Variants in PTK2B observed in about 807,000 individuals in gnomAD.
The protein encoded by PTK2B is protein-tyrosine kinase 2-beta.
In PTK2B, 71 loss-of-function variants were observed where a neutral mutation model predicts 142.9. The ratio of observed to expected loss-of-function variants is 0.50; its 90% CI spans 0.41 to 0.61. The LOEUF (loss-of-function observed/expected upper bound fraction) is 0.61. Ranked by LOEUF, PTK2B falls within the 20% of genes least tolerant of loss-of-function variation. The probability of loss-of-function intolerance (pLI) is 0.00; values close to 1 mark genes in which losing one functional copy is unlikely to be tolerated. For missense variants in PTK2B, 1,105 were observed against 1,320.4 expected (o/e 0.84, Z 2.53); for synonymous variants, 519 against 503.4 (o/e 1.03, Z -0.42).
intron 28 of PTK2B, among the ~76,000 whole-genome samples, 172 bp downstream of exon 28, chr8:27,453,332 A>C (rs1811939622): frequency 6.6e-6 from 1 of 152,212 alleles, no homozygotes; most frequent in African/African-American, 2.4e-5. Flanking sequence ...GCCTAAGGCC[A>C]CACAGCTAAT....
At chr8:27,365,025 G>C (rs1374821251) in intron 1 of PTK2B, among the ~76,000 whole-genome samples, 1 of 152,104 alleles carries the variant, frequency 6.6e-6, no homozygotes, top group Non-Finnish European at 1.5e-5. Context: ...CTGCAGTTTT[G>C]CTCATATACA....
intron 21 of PTK2B, 143 bp downstream of exon 21, chr8:27,440,584 G>A: frequency 1.0e-6 from 1 of 975,904 alleles, no homozygotes; most frequent in Non-Finnish European, 1.5e-6. Context: ...CAGGTTCACT[G>A]TCAGATATGA....
chr8:27,341,257 A>G (rs1804380956), intron 1 of PTK2B, among the ~76,000 whole-genome samples: 1 of 152,178 alleles, frequency 6.6e-6, no homozygotes, highest in Admixed American at 6.5e-5. Flanking sequence ...GCATTGCTAA[A>G]TGGGATGAAG....
chr8:27,426,462 T>C (rs1407189755), intron 5 of PTK2B, among the ~76,000 whole-genome samples: 1 of 152,206 alleles, frequency 6.6e-6, no homozygotes, highest in East Asian at 1.9e-4. Context: ...TGGGTGCCCC[T>C]GGAGAGCAGC....
At chr8:27,450,285 G>A (rs555606311) in intron 24 of PTK2B, among the ~76,000 whole-genome samples, 1 of 152,288 alleles carries the variant, frequency 6.6e-6, no homozygotes, top group Admixed American at 6.5e-5. Context: ...CTTAGGTGGA[G>A]ATAGCATCAG....
intron 1 of PTK2B, among the ~76,000 whole-genome samples, chr8:27,364,152 G>A (rs1805881936): frequency 1.3e-5 from 2 of 152,352 alleles, no homozygotes; most frequent in Admixed American, 1.3e-4. Context: ...TGCATGACTA[G>A]CAAGGGATAG....
chr8:27,437,862 G>A lies in PTK2B; in HGVS notation c.1625G>A (p.Ser542Asn), dbSNP rs2132170936. 1 of 1,612,176 alleles carries A rather than the reference G, an allele frequency of 6.2e-7. No individual in the cohort carries two copies. The highest frequency in any genetic ancestry group is 2.2e-5 in the East Asian group (1 of 44,854). Residue 542 changes from serine (S) to asparagine (N), a missense_variant, in exon 18 of 31, where the codon AGC becomes AAC. Coordinates refer to ENST00000346049, the MANE Select transcript of PTK2B (RefSeq NM_173176.3). Reference sequence around the variant, plus strand: ...TGCAAAGCCATGGCCTACCTGGAGAGCATCAACTGCGTGCACAGGTAGGGG... The same window carrying A: ...TGCAAAGCCATGGCCTACCTGGAGAACATCAACTGCGTGCACAGGTAGGGG... ...QICKAMAYLE[S>N]INCVHRDIAV...
intron 2 of PTK2B, among the ~76,000 whole-genome samples, chr8:27,415,186 G>T (rs898733858): frequency 1.3e-5 from 2 of 151,914 alleles, no homozygotes; most frequent in Admixed American, 6.5e-5. Flanking sequence ...CTATTATTTT[G>T]TCCATATTCT....
chr8:27,419,403 G>T (rs1563269656), intron 2 of PTK2B, among the ~76,000 whole-genome samples: 2 of 152,308 alleles, frequency 1.3e-5, no homozygotes, highest in East Asian at 3.9e-4. Flanking sequence ...TCCGTGGGTT[G>T]TGGGACATAT....
chr8:27,334,785 C>A (rs1483856562), intron 1 of PTK2B, among the ~76,000 whole-genome samples: 1 of 152,152 alleles, frequency 6.6e-6, no homozygotes, highest in East Asian at 1.9e-4. Flanking sequence ...AGAATAGGGG[C>A]CACATCCCGA....
intron 1 of PTK2B, among the ~76,000 whole-genome samples, chr8:27,378,711 G>A (rs13265921): frequency 0.025 from 3,740 of 151,762 alleles, 88 homozygotes; most frequent in Non-Finnish European, 0.033. Context: ...GGTTCCTTCT[G>A]GGGCTCCTGA....
At chr8:27,426,644 C>A (rs1000775798) in intron 5 of PTK2B, among the ~76,000 whole-genome samples, 14 of 152,218 alleles carry the variant, frequency 9.2e-5, no homozygotes, top group Admixed American at 3.9e-4. Context: ...GATTGTGGCA[C>A]ATCTGAGTGA....
chr8:27,450,520 G>T (rs1298986645), intron 24 of PTK2B, among the ~76,000 whole-genome samples: 1 of 152,254 alleles, frequency 6.6e-6, no homozygotes, highest in Admixed American at 6.5e-5. Flanking sequence ...ACGTTGAGCA[G>T]TGGGTTCTTG....
chr8:27,429,375 G>A (rs1282869720), intron 5 of PTK2B, among the ~76,000 whole-genome samples: 1 of 152,250 alleles, frequency 6.6e-6, no homozygotes, highest in Non-Finnish European at 1.5e-5. Context: ...AAGATCAGGA[G>A]TAGGATAATG....
chr8:27,419,134 C>T (rs374889552), intron 2 of PTK2B, among the ~76,000 whole-genome samples: 1 of 152,196 alleles, frequency 6.6e-6, no homozygotes, highest in Non-Finnish European at 1.5e-5. Flanking sequence ...ATCTCTGGCT[C>T]TAGGCCAGGA....
chr8:27,378,601 CTGTGTGTGTGTGTGTG>C (rs58485965), intron 1 of PTK2B, among the ~76,000 whole-genome samples: 29,429 of 148,100 alleles, frequency 0.2, 3,108 homozygotes, highest in Middle Eastern at 0.29. Context: ...TACAGCTTAT[CTGTGTGTGTGTGTGTG>C]TGTGTGTGTG....
In PTK2B at chr8:27,430,344, C is replaced by T. The variant is rs1290198219; in HGVS notation, c.615-20C>T. 15 of 1,613,996 alleles carry T rather than the reference C, an allele frequency of 9.3e-6. No individual in the cohort carries two copies. Among genetic ancestry groups the T allele is most frequent in the Non-Finnish European group, 1.3e-5 (15 of 1,180,032 alleles). ...GGGGTGAGGGGGAGTCACATGCTGC[C>T]TTTTTCTTCCTTCTTGCAGAAAGGA... On this transcript the variant is annotated intron_variant, in intron 6 of 30. Transcript: ENST00000346049.
chr8:27,388,322 AGAG>A (rs1278283334), intron 1 of PTK2B, among the ~76,000 whole-genome samples: 1 of 152,248 alleles, frequency 6.6e-6, no homozygotes, highest in Non-Finnish European at 1.5e-5. Flanking sequence ...CATGATTTGA[AGAG>A]GAGAAGTTGG....
chr8:27,357,329 C>T (rs1382694883), intron 1 of PTK2B, among the ~76,000 whole-genome samples: 2 of 152,210 alleles, frequency 1.3e-5, no homozygotes, highest in Admixed American at 1.3e-4. Flanking sequence ...TTTCTCACCA[C>T]TTGTATGGTT....
Sources: gnomAD v4.1 joint callset for allele counts (sites outside exome capture counted in the v4.1 genomes callset) on GRCh38, gnomAD v4.1.1 for gene constraint, MANE v1.5 for transcripts, NCBI Gene and HGNC (gene_info 2026-07-23, HGNC 2026-07-21) for gene names.